Variants in CSMD2 observed in about 807,000 individuals in gnomAD.
CSMD2 encodes CUB and Sushi multiple domains 2.
CSMD2 carries 130 observed loss-of-function variants against 398.5 expected under a neutral mutation model. That is an observed-to-expected ratio of 0.33 (90% CI 0.28 to 0.38). The LOEUF (loss-of-function observed/expected upper bound fraction) is 0.38. Ranked by LOEUF, CSMD2 falls within the 10% of genes least tolerant of loss-of-function variation. The pLI is 1.00. For synonymous variants in CSMD2, 1,828 were observed against 1,908.5 expected, an observed-to-expected ratio of 0.96 and a Z score of 1.10; for missense variants, 3,829 against 4,764.9, an observed-to-expected ratio of 0.80 and a Z score of 5.78.
At chr1:34,000,310 G>A (rs926609296) in intron 3 of CSMD2, among the ~76,000 whole-genome samples, 1 of 152,086 alleles carries the variant, frequency 6.6e-6, no homozygotes, top group African/African-American at 2.4e-5. Context: ...GGAATGTGAG[G>A]AGACTGAAGG....
chr1:33,782,644 G>T (rs1283757149), intron 12 of CSMD2, among the ~76,000 whole-genome samples: 2 of 152,184 alleles, frequency 1.3e-5, no homozygotes, highest in Non-Finnish European at 2.9e-5. Flanking sequence ...TTGAGAGGGT[G>T]CTGAGGAGGG....
At chr1:33,813,503 C>A (rs1183821094) in intron 9 of CSMD2, among the ~76,000 whole-genome samples, 1 of 152,154 alleles carries the variant, frequency 6.6e-6, no homozygotes, top group East Asian at 1.9e-4. Flanking sequence ...CATTTTGTTT[C>A]TCTATTTGCC....
intron 3 of CSMD2, among the ~76,000 whole-genome samples, chr1:34,012,692 G>C (rs1647528575): frequency 6.6e-6 from 1 of 152,110 alleles, no homozygotes; most frequent in Admixed American, 6.5e-5. Context: ...AGCTCCATAA[G>C]GACAGAGAAT....
chr1:34,081,609 G>C (rs140792657), intron 2 of CSMD2, among the ~76,000 whole-genome samples: 3 of 152,112 alleles, frequency 2.0e-5, no homozygotes, highest in East Asian at 3.9e-4. Flanking sequence ...TGGTGGAGAC[G>C]GGGTTTCGCC....
Position 33,636,511 on chromosome 1 carries a change from G to A in CSMD2, c.4818C>T (p.Asn1606=), listed in dbSNP as rs377415018. The A allele has an allele frequency of 4.2e-5, 68 of 1,614,002 alleles. No homozygotes were observed. Among genetic ancestry groups the A allele is most frequent in the East Asian group, 6.7e-5 (3 of 44,872 alleles). The change falls in exon 30 of 71, where the codon AAC becomes AAT. Residue 1606 remains asparagine, a synonymous_variant. Transcript: ENST00000373381. The surrounding 1 kb of genome is among the most constrained non-coding windows in gnomAD (Gnocchi z 4.8). The part of the protein sequence containing the change: ...ESCFDPGSIK[N]GTRVGSDLKL... ...TCAGGTCGGACCCCACCCGTGTGCC[G>A]TTCTTGATGGAACCAGGATCAAAAC...
At chr1:33,651,816 C>T (rs144736149) in intron 28 of CSMD2, among the ~76,000 whole-genome samples, 3 of 152,034 alleles carry the variant, frequency 2.0e-5, no homozygotes, top group Non-Finnish European at 4.4e-5. Context: ...AACCAGGTTC[C>T]AGGGGGTTGA....
At chr1:34,123,876 A>G (rs1662473982) in intron 1 of CSMD2, among the ~76,000 whole-genome samples, 1 of 152,190 alleles carries the variant, frequency 6.6e-6, no homozygotes, top group African/African-American at 2.4e-5. Flanking sequence ...TAAGTTGTCC[A>G]AGGTCATACA....
At chr1:33,694,226 G>T in intron 24 of CSMD2, among the ~76,000 whole-genome samples, 1 of 152,344 alleles carries the variant, frequency 6.6e-6, no homozygotes, top group East Asian at 1.9e-4. Flanking sequence ...CAGAAGGTAC[G>T]TTAGTGGTTG....
Position 33,580,763 on chromosome 1 carries a change from G to A in CSMD2, c.7377C>T (p.Ile2459=). 6.2e-7 allele frequency: 1 copy of A among 1,614,160 alleles called. No homozygotes were observed. Among genetic ancestry groups the A allele is most frequent in the East Asian group, 2.2e-5 (1 of 44,856 alleles). ...DHAYNRKGFK[I]RYSAPYCSLP... is the part of the protein sequence containing the mutation. Reference sequence around the variant, plus strand: ...GTTTTTTTCACTCACCTGAATAGCGGATCTTGAAGCCCTTCCGATTGTAGG... The same window carrying A: ...GTTTTTTTCACTCACCTGAATAGCGAATCTTGAAGCCCTTCCGATTGTAGG... The change falls in exon 48 of 71, where the codon ATC becomes ATT. Residue 2459 remains isoleucine, a synonymous_variant. Transcript: ENST00000373381.
chr1:33,827,403 G>T (rs1304456520), intron 6 of CSMD2, among the ~76,000 whole-genome samples: 1 of 152,156 alleles, frequency 6.6e-6, no homozygotes, highest in Non-Finnish European at 1.5e-5. Flanking sequence ...TTCTGCTTCA[G>T]CCTGCCAATT....
intron 25 of CSMD2, among the ~76,000 whole-genome samples, chr1:33,679,840 G>C (rs1294390417): frequency 6.6e-6 from 1 of 151,824 alleles, no homozygotes; most frequent in Non-Finnish European, 1.5e-5. Flanking sequence ...ATGACTGTTA[G>C]CATTATTGTG....
At chr1:33,711,191 C>T (rs182306662) in intron 21 of CSMD2, among the ~76,000 whole-genome samples, 92 of 151,714 alleles carry the variant, frequency 6.1e-4, no homozygotes, top group Admixed American at 2.9e-3. Context: ...GAGGATTTGT[C>T]GGGGGGAGGG....
chr1:33,888,756 T>TTTGTTGTTGTTG (rs140395748), intron 5 of CSMD2, among the ~76,000 whole-genome samples: 38,411 of 148,746 alleles, frequency 0.26, 5,199 homozygotes, highest in Middle Eastern at 0.39. Flanking sequence ...TCAACTGATT[T>TTTGTTGTTGTTG]TTGTTGTTGT....
At chr1:33,887,600 A>T (rs1641690550) in intron 5 of CSMD2, among the ~76,000 whole-genome samples, 1 of 152,198 alleles carries the variant, frequency 6.6e-6, no homozygotes, top group African/African-American at 2.4e-5. Context: ...TAATTTCTTA[A>T]TGTTATATAA....
intron 11 of CSMD2, among the ~76,000 whole-genome samples, chr1:33,789,614 T>C (rs1292160108): frequency 1.3e-5 from 2 of 152,242 alleles, no homozygotes; most frequent in African/African-American, 4.8e-5. Context: ...AGTGGGCAAC[T>C]GAACTAATGA....
intron 5 of CSMD2, among the ~76,000 whole-genome samples, chr1:33,849,961 C>T (rs1364586150): frequency 6.6e-6 from 1 of 151,928 alleles, no homozygotes; most frequent in Non-Finnish European, 1.5e-5. Flanking sequence ...CTTGAAAAAG[C>T]CACTCTTCCT....
intron 4 of CSMD2, among the ~76,000 whole-genome samples, chr1:33,926,262 A>G (rs574332597): frequency 1.1e-4 from 17 of 152,332 alleles, no homozygotes; most frequent in South Asian, 4.1e-4. Flanking sequence ...AATGTTCCCA[A>G]GGTCACATAG....
At chr1:33,790,872 T>C (rs1322187188) in intron 11 of CSMD2, among the ~76,000 whole-genome samples, 3 of 152,166 alleles carry the variant, frequency 2.0e-5, no homozygotes, top group African/African-American at 7.2e-5. Flanking sequence ...CTATCTCCTA[T>C]TGTTCTGTTT....
chr1:33,680,677 C>A (rs1644878602), intron 25 of CSMD2, among the ~76,000 whole-genome samples: 1 of 152,108 alleles, frequency 6.6e-6, no homozygotes, highest in East Asian at 1.9e-4. Context: ...AGGCTGCCTC[C>A]TCTCCCCCCA....
Sources: allele counts gnomAD v4.1 joint callset (sites outside exome capture counted in the v4.1 genomes callset), GRCh38; gene constraint gnomAD v4.1.1; non-coding constraint Gnocchi (gnomAD v3.1); transcripts MANE v1.5; gene names NCBI Gene and HGNC (gene_info 2026-07-23, HGNC 2026-07-21).